The following ANKMY2 variants were observed in gnomAD, a reference collection of about 807,000 sequenced individuals.
ANKMY2 encodes ankyrin repeat and MYND domain-containing protein 2.
A neutral mutation model predicts 50.4 loss-of-function variants in ANKMY2; 36 were observed. The ratio of observed to expected loss-of-function variants is 0.71; its 90% confidence interval spans 0.55 to 0.94. ANKMY2 has a LOEUF of 0.94. Among genes scored for constraint, ANKMY2 ranks in the 40% least tolerant of loss-of-function variants. The pLI is 0.00. For synonymous variants in ANKMY2, 187 were observed against 178.8 expected, an observed-to-expected ratio of 1.05 and a Z score of -0.36; for missense variants, 565 against 524.0, an observed-to-expected ratio of 1.08 and a Z score of -0.76.
At chr7:16,620,442 A>G (rs1781416169) in intron 4 of ANKMY2, among the ~76,000 whole-genome samples, 1 of 152,244 alleles carries the variant, frequency 6.6e-6, no homozygotes, top group African/African-American at 2.4e-5. Flanking sequence ...GTGGCCTGAC[A>G]AGGCAAAAAC....
intron 2 of ANKMY2, among the ~76,000 whole-genome samples, chr7:16,627,814 T>C (rs1781526214): frequency 6.6e-6 from 1 of 151,358 alleles, no homozygotes; most frequent in African/African-American, 2.4e-5. Context: ...TGGTAGTATT[T>C]AGGCTATATT....
At chr7:16,634,970 CA>C (rs1329355258) in intron 2 of ANKMY2, among the ~76,000 whole-genome samples, 10 of 151,920 alleles carry the variant, frequency 6.6e-5, no homozygotes, top group Non-Finnish European at 1.5e-4. Context: ...AACAATCAAA[CA>C]TGGAAAGAAT....
At chr7:16,631,867 G>A (rs559915014) in intron 2 of ANKMY2, among the ~76,000 whole-genome samples, 10 of 151,830 alleles carry the variant, frequency 6.6e-5, no homozygotes, top group Admixed American at 2.6e-4. Context: ...CAACCGCCTC[G>A]GCCTCCCAAA....
rs749469857 is a variant in ANKMY2 at position 16,645,472 on chromosome 7, C to G, written c.67+35G>C. The G allele has an allele frequency of 6.9e-6, 11 of 1,583,504 alleles. 1 individual carries two copies. The highest frequency in any genetic ancestry group is 1.8e-5 in the Admixed American group (1 of 54,096). On this transcript the variant is annotated intron_variant, in intron 1 of 9. Transcript: ENST00000306999. ...GGCTCCGCCACGCCCCCCGGCCAGGCTGGCCGCGGCCGCGTCGCAGCCCAG... is the reference window on the plus strand; with the variant it reads ...GGCTCCGCCACGCCCCCCGGCCAGGGTGGCCGCGGCCGCGTCGCAGCCCAG...
rs748390424 is a variant in ANKMY2, at chr7:16,645,553, G to A, written c.21C>T (p.Gly7=). The A allele has an allele frequency of 9.3e-6, 15 of 1,611,634 alleles. No individual in the cohort carries two copies. In the East Asian group the frequency reaches 3.1e-4, roughly 34 times the overall value. Residue 7 remains glycine, a synonymous_variant, in exon 1 of 10, where the codon GGC becomes GGT. Transcript: ENST00000306999. ...GCTCCTTCTCCTCCTGGGTCAGCTC[G>A]CCTTTCTTTATGTGAACCATTGCTC... MVHIKK[G]ELTQEEKELL...
intron 2 of ANKMY2, among the ~76,000 whole-genome samples, chr7:16,630,437 T>C (rs1781566838): frequency 2.0e-5 from 3 of 152,232 alleles, no homozygotes; most frequent in South Asian, 2.1e-4. Context: ...CTGAATAGCA[T>C]GAGAAACAAG....
In ANKMY2 at chr7:16,645,477, C is replaced by T. The variant is rs368661525; in HGVS notation, c.67+30G>A. 6 of 1,588,232 alleles carry T rather than the reference C, an allele frequency of 3.8e-6. No individual in the cohort carries two copies. The African/African-American group carries it at 8.2e-5, about 22-fold the overall frequency. ...CGCCACGCCCCCCGGCCAGGCTGGC[C>T]GCGGCCGCGTCGCAGCCCAGCACCC... On this transcript the variant is annotated intron_variant, in intron 1 of 9. Coordinates refer to ENST00000306999, the MANE Select transcript of ANKMY2 (RefSeq NM_020319.3).
In ANKMY2 at chr7:16,645,611, G is replaced by A. The variant is rs2128347923; in HGVS notation, c.-38C>T. Reference sequence around the variant, plus strand: ...CTTGAAGGTTATTCCCTTTCTTAGGGAGTATTAAAAAAGAAACGATGCGTC... The same window carrying A: ...CTTGAAGGTTATTCCCTTTCTTAGGAAGTATTAAAAAAGAAACGATGCGTC... On this transcript the variant is annotated 5_prime_UTR_variant, in exon 1 of 10. Transcript: ENST00000306999. 6.3e-7 allele frequency: 1 copy of A among 1,595,922 alleles called. No homozygotes were observed. Among genetic ancestry groups the A allele is most frequent in the Middle Eastern group, 1.7e-4 (1 of 5,948 alleles).
At position 16,617,917 on chromosome 7, in the gene ANKMY2, G is replaced by GTTT. The variant is rs780533044; in HGVS notation, c.371-2016_371-2014dup. Reference sequence around the variant, plus strand: ...AGGAGTTGGAGGCTACAGTGAGCGTGTTTTTTTTTTTTTTTTTTTTTTTTG... The same window carrying GTTT: ...AGGAGTTGGAGGCTACAGTGAGCGTGTTTTTTTTTTTTTTTTTTTTTTTTTTTG... On this transcript the variant is annotated intron_variant, in intron 4 of 9. Transcript: ENST00000306999. Among the ~76,000 whole-genome samples, 583 of 110,728 alleles carry GTTT rather than the reference G, an allele frequency of 5.3e-3. 4 individuals are homozygous for GTTT. The highest frequency in any genetic ancestry group is 0.012 in the African/African-American group (339 of 28,446). The allele number at this position is 110,728 out of a possible 152,430, so 72.6% of individuals were successfully genotyped here.
At chr7:16,635,120 C>T (rs1207658059) in intron 2 of ANKMY2, among the ~76,000 whole-genome samples, 1 of 152,066 alleles carries the variant, frequency 6.6e-6, no homozygotes, top group Non-Finnish European at 1.5e-5. Flanking sequence ...AAAACTCTAA[C>T]AGCTGATGAA....
chr7:16,620,960 A>C (rs909777332), intron 4 of ANKMY2, among the ~76,000 whole-genome samples: 1 of 152,198 alleles, frequency 6.6e-6, no homozygotes, highest in Non-Finnish European at 1.5e-5. Context: ...AACCAATAGC[A>C]ATATATTAAA....
chr7:16,619,527 G>A (rs892942338), intron 4 of ANKMY2, among the ~76,000 whole-genome samples: 1 of 151,892 alleles, frequency 6.6e-6, no homozygotes, highest in Admixed American at 6.6e-5. Context: ...TTCATTTTAG[G>A]TAATGCTTAT....
intron 9 of ANKMY2, 93 bp downstream of exon 9, chr7:16,602,287 C>T (rs949346652): frequency 3.4e-6 from 5 of 1,470,008 alleles, no homozygotes; most frequent in Admixed American, 4.3e-5. Flanking sequence ...GCTCCTATGG[C>T]TTCCAGAGAA....
At chr7:16,625,991 T>C (rs1219958381) in intron 3 of ANKMY2, among the ~76,000 whole-genome samples, 1 of 148,120 alleles carries the variant, frequency 6.8e-6, no homozygotes, top group Non-Finnish European at 1.5e-5. Flanking sequence ...TTTTTTTTTT[T>C]TTTTTTTTGA....
At chr7:16,643,619 C>T (rs1297480389) in intron 1 of ANKMY2, among the ~76,000 whole-genome samples, 1 of 150,998 alleles carries the variant, frequency 6.6e-6, no homozygotes, top group Non-Finnish European at 1.5e-5. Flanking sequence ...TTTATATAAT[C>T]TTCAAAATAA....
At chr7:16,602,066 C>A (rs1781074973) in intron 9 of ANKMY2, among the ~76,000 whole-genome samples, 1 of 152,116 alleles carries the variant, frequency 6.6e-6, no homozygotes, top group African/African-American at 2.4e-5. Flanking sequence ...ACTTTAAAAT[C>A]CTTCATGAGC....
Position 16,610,731 on chromosome 7 carries a change from C to G in ANKMY2, c.564G>C (p.Leu188=), listed in dbSNP as rs1562768551. 1 of 1,613,886 alleles carries G rather than the reference C, an allele frequency of 6.2e-7. No homozygotes were observed. Among genetic ancestry groups the G allele is most frequent in the South Asian group, 1.1e-5 (1 of 91,064 alleles). Residue 188 remains leucine, a synonymous_variant, in exon 6 of 10, where the codon CTG becomes CTC. Coordinates refer to ENST00000306999, the MANE Select transcript of ANKMY2 (RefSeq NM_020319.3). Reference sequence around the variant, plus strand: ...ATTTATTCAGGGCTGCTTCTTCTGTCAGCAGAGGATTCTCATTTACAAGCA... The same window carrying G: ...ATTTATTCAGGGCTGCTTCTTCTGTGAGCAGAGGATTCTCATTTACAAGCA... The part of the protein sequence containing the change: ...IVMLVNENPL[L]TEEAALNKCY...
chr7:16,607,831 C>G (rs1198428179), intron 7 of ANKMY2, among the ~76,000 whole-genome samples: 1 of 151,556 alleles, frequency 6.6e-6, no homozygotes, highest in Non-Finnish European at 1.5e-5. Context: ...CCAGCTTCCT[C>G]AGTAACAGAA....
chr7:16,616,313 T>C (rs139264305), intron 4 of ANKMY2, among the ~76,000 whole-genome samples: 2,851 of 152,286 alleles, frequency 0.019, 39 homozygotes, highest in Middle Eastern at 0.037. Flanking sequence ...TTACTCCATA[T>C]AAAGTATTGT....
Sources: allele counts gnomAD v4.1 joint callset (sites outside exome capture counted in the v4.1 genomes callset), GRCh38; gene constraint gnomAD v4.1.1; transcripts MANE v1.5; gene names NCBI Gene and HGNC (gene_info 2026-07-23, HGNC 2026-07-21).